Variants in COL5A2 observed in about 807,000 individuals in gnomAD.
The protein encoded by COL5A2 is collagen alpha-2(V) chain.
A neutral mutation model predicts 208.2 loss-of-function variants in COL5A2; 23 were observed. That is an observed-to-expected ratio of 0.11 (90% CI 0.08 to 0.16). COL5A2 has a LOEUF of 0.16. COL5A2 is among the 10% of genes least tolerant of loss of function. COL5A2 has a pLI of 1.00. For missense variants in COL5A2, 1,590 were observed against 1,956.4 expected (o/e 0.81, Z 3.53); for synonymous variants, 625 against 628.5 (o/e 0.99, Z 0.08).
At chr2:189,310,409 AAGAC>A in the COL5A2 span, among the ~76,000 whole-genome samples, 1 of 152,248 alleles carries the variant, frequency 6.6e-6, no homozygotes, top group Admixed American at 6.5e-5. Flanking sequence ...TTATATCCAA[AAGAC>A]AGGAAATAAC....
chr2:189,058,664 TAAG>T, intron 32 of COL5A2, 137 bp from the exon 33 acceptor site: 1 of 984,948 alleles, frequency 1.0e-6, no homozygotes, highest in Non-Finnish European at 1.6e-6. Context: ...AATTTAGTGA[TAAG>T]AAATAAATTT....
chr2:189,035,090 T>A lies in COL5A2; in HGVS notation c.4179A>T (p.Leu1393Phe), dbSNP rs200888890. The part of the protein sequence containing the change: ...AITQMTFLRL[L>F]SKEASQNITY... ...TGATGTTCTGGGAGGCTTCTTTTGA[T>A]AAAAGGCGCAAAAAAGTCATCTGAG... The change falls in exon 53 of 54, where the codon TTA (leucine) becomes TTT (phenylalanine). Residue 1393 changes from leucine (L) to phenylalanine (F), a missense_variant. Physicochemically the swap from Leu to Phe is conservative, Grantham distance 22. Coordinates refer to ENST00000374866, the MANE Select transcript of COL5A2 (RefSeq NM_000393.5). The A allele has an allele frequency of 6.2e-7, 1 of 1,613,886 alleles. No individual in the cohort carries two copies. Among genetic ancestry groups the A allele is most frequent in the Non-Finnish European group, 8.5e-7 (1 of 1,179,888 alleles).
At chr2:189,119,029 G>T (rs1179845253) in intron 1 of COL5A2, among the ~76,000 whole-genome samples, 3 of 151,834 alleles carry the variant, frequency 2.0e-5, no homozygotes, top group Non-Finnish European at 2.9e-5. Flanking sequence ...GTGCATAATT[G>T]CATGGAAGCC....
chr2:189,388,057 T>A, the COL5A2 span, among the ~76,000 whole-genome samples: 1 of 152,182 alleles, frequency 6.6e-6, no homozygotes, highest in Non-Finnish European at 1.5e-5. Context: ...AATGCTAGAA[T>A]TACAGGCATA....
At chr2:189,230,216 TA>T (rs1266144120), upstream of COL5A2, among the ~76,000 whole-genome samples, 2 of 151,892 alleles carry the variant, frequency 1.3e-5, no homozygotes, top group African/African-American at 4.8e-5. Context: ...CCTGAAACTA[TA>T]AAATTCCTAG....
At chr2:189,329,022 C>T in the COL5A2 span, among the ~76,000 whole-genome samples, 1 of 152,190 alleles carries the variant, frequency 6.6e-6, no homozygotes, top group African/African-American at 2.4e-5. Flanking sequence ...TCAGTATGCA[C>T]TCTCATGTTC....
chr2:189,419,520 G>A, the COL5A2 span, among the ~76,000 whole-genome samples: 18 of 151,986 alleles, frequency 1.2e-4, no homozygotes, highest in African/African-American at 3.6e-4. Context: ...GGCCAAGTAC[G>A]GTGCTCACAA....
chr2:189,150,240 T>C, intron 1 of COL5A2, among the ~76,000 whole-genome samples: 1 of 152,180 alleles, frequency 6.6e-6, no homozygotes, highest in East Asian at 1.9e-4. Flanking sequence ...GATTGTTTAC[T>C]GTATTACAAT....
At chr2:189,345,731 A>G in the COL5A2 span, among the ~76,000 whole-genome samples, 1 of 152,194 alleles carries the variant, frequency 6.6e-6, no homozygotes, top group Non-Finnish European at 1.5e-5. Flanking sequence ...CAAATAGAGA[A>G]GGGGCAAGAA....
chr2:189,157,625 T>G (rs1688280376), intron 1 of COL5A2, among the ~76,000 whole-genome samples: 1 of 151,940 alleles, frequency 6.6e-6, no homozygotes, highest in African/African-American at 2.4e-5. Flanking sequence ...CACATACCAG[T>G]AAAAGGAAGA....
intron 1 of COL5A2, among the ~76,000 whole-genome samples, chr2:189,142,252 C>G (rs964743651): frequency 1.3e-5 from 2 of 151,970 alleles, no homozygotes; most frequent in African/African-American, 4.8e-5. Context: ...AACATCTATA[C>G]TTCCCTTGAA....
At chr2:189,369,267 GT>G in the COL5A2 span, among the ~76,000 whole-genome samples, 5 of 151,952 alleles carry the variant, frequency 3.3e-5, no homozygotes, top group South Asian at 2.1e-4. Flanking sequence ...AGACTGTCAA[GT>G]TTTTTTTATT....
the COL5A2 span, among the ~76,000 whole-genome samples, chr2:189,379,254 A>T: frequency 1.8e-4 from 27 of 150,908 alleles, no homozygotes; most frequent in Non-Finnish European, 3.1e-4. Flanking sequence ...CTTTTGATTT[A>T]AAAAAAATGA....
At chr2:189,382,859 T>G in the COL5A2 span, among the ~76,000 whole-genome samples, 1 of 152,054 alleles carries the variant, frequency 6.6e-6, no homozygotes, top group African/African-American at 2.4e-5. Flanking sequence ...GGGGAGAGTG[T>G]ATTGTCACAG....
At chr2:189,333,064 C>T in the COL5A2 span, among the ~76,000 whole-genome samples, 2 of 152,024 alleles carry the variant, frequency 1.3e-5, no homozygotes, top group Non-Finnish European at 2.9e-5. Context: ...GCATATCTCA[C>T]AGCAAAATTC....
intron 1 of COL5A2, among the ~76,000 whole-genome samples, chr2:189,155,980 C>A (rs1688238681): frequency 6.6e-6 from 1 of 152,138 alleles, no homozygotes; most frequent in Admixed American, 6.6e-5. Flanking sequence ...TCAAATCTCT[C>A]TCTCTCTCTG....
At chr2:189,296,322 G>A in the COL5A2 span, among the ~76,000 whole-genome samples, 6 of 151,824 alleles carry the variant, frequency 4.0e-5, no homozygotes, top group African/African-American at 4.8e-5. Context: ...CTCAAATTCC[G>A]TATCTCTTCA....
chr2:189,110,044 G>T (rs1250417437), intron 2 of COL5A2, among the ~76,000 whole-genome samples, 181 bp downstream of exon 2: 1 of 152,172 alleles, frequency 6.6e-6, no homozygotes, highest in Non-Finnish European at 1.5e-5. Context: ...GGAAATTACT[G>T]TCTGCTTCTA....
At chr2:189,062,432 C>G (rs1480042680) in intron 29 of COL5A2, among the ~76,000 whole-genome samples, 2 of 152,096 alleles carry the variant, frequency 1.3e-5, no homozygotes, top group Non-Finnish European at 2.9e-5. Context: ...AATCCACCTA[C>G]CCTGGCCTCC....
Sources: allele counts gnomAD v4.1 joint callset (sites outside exome capture counted in the v4.1 genomes callset), GRCh38; gene constraint gnomAD v4.1.1; transcripts MANE v1.5; gene names NCBI Gene and HGNC (gene_info 2026-07-23, HGNC 2026-07-21).